SENP6: variants seen among roughly 807,000 people sequenced by gnomAD.
SENP6 encodes SUMO specific peptidase 6.
SENP6 carries 41 observed loss-of-function variants against 134.5 expected under a neutral mutation model. That is an observed-to-expected ratio of 0.30 (90% confidence interval 0.24 to 0.40). The LOEUF is 0.40. Among genes scored for constraint, SENP6 ranks in the 10% least tolerant of loss-of-function variants. The pLI is 1.00. For missense variants in SENP6, 1,248 were observed against 1,312.5 expected (o/e 0.95, Z 0.76); for synonymous variants, 395 against 429.8 (o/e 0.92, Z 1.00).
At chr6:75,604,115 A>G (rs1039768504) in intron 1 of SENP6, among the ~76,000 whole-genome samples, 1 of 152,196 alleles carries the variant, frequency 6.6e-6, no homozygotes, top group African/African-American at 2.4e-5. Flanking sequence ...TCCAGCTTCT[A>G]TAGGCCCGAT....
intron 2 of SENP6, among the ~76,000 whole-genome samples, chr6:75,623,395 G>C (rs1323476966): frequency 6.6e-6 from 1 of 152,062 alleles, no homozygotes; most frequent in East Asian, 1.9e-4. Context: ...TCTCAATGAA[G>C]GGTTGATATT....
chr6:75,703,481 C>T (rs1444521523), intron 19 of SENP6, among the ~76,000 whole-genome samples: 1 of 152,118 alleles, frequency 6.6e-6, no homozygotes, highest in Non-Finnish European at 1.5e-5. Context: ...AGAACCTGAT[C>T]AGGGCACAGT....
At chr6:75,647,676 C>A in intron 6 of SENP6, 55 bp from the exon 7 acceptor site, 1 of 1,275,858 alleles carries the variant, frequency 7.8e-7, no homozygotes, top group South Asian at 1.2e-5. Context: ...TTAACTTTTT[C>A]ATTTTGAAAA....
chr6:75,618,438 A>T (rs1582677752), intron 1 of SENP6, among the ~76,000 whole-genome samples: 1 of 152,216 alleles, frequency 6.6e-6, no homozygotes, highest in Non-Finnish European at 1.5e-5. Flanking sequence ...TTAAAAAAAA[A>T]TAATGATTTT....
At chr6:75,704,602 ATC>A (rs1374419892) in intron 19 of SENP6, among the ~76,000 whole-genome samples, 2 of 152,174 alleles carry the variant, frequency 1.3e-5, no homozygotes, top group African/African-American at 2.4e-5. Context: ...GCCTTCCTCT[ATC>A]TCAACTGCAA....
intron 5 of SENP6, 22 bp from the exon 6 acceptor site, chr6:75,640,662 T>G (rs1423111257): frequency 6.6e-7 from 1 of 1,507,460 alleles, no homozygotes; most frequent in East Asian, 2.3e-5. Context: ...TCTTATATTT[T>G]TTTTCTTTTT....
chr6:75,666,152 C>CATATGATATATATATAAAACGT (rs1772204460), intron 9 of SENP6, among the ~76,000 whole-genome samples: 1 of 140,052 alleles, frequency 7.1e-6, no homozygotes, highest in African/African-American at 2.6e-5. Flanking sequence ...ATATATAAAA[C>CATATGATATATATATAAAACGT]ATATATGATA....
At chr6:75,645,119 A>C (rs1770332212) in intron 6 of SENP6, among the ~76,000 whole-genome samples, 1 of 152,230 alleles carries the variant, frequency 6.6e-6, no homozygotes, top group African/African-American at 2.4e-5. Flanking sequence ...CTGAAGCTAC[A>C]CAAACGCAAA....
chr6:75,653,360 C>T (rs1211252242), intron 7 of SENP6, among the ~76,000 whole-genome samples: 1 of 152,106 alleles, frequency 6.6e-6, no homozygotes, highest in Non-Finnish European at 1.5e-5. Flanking sequence ...TCAAATAGTA[C>T]ATTGTAGTTG....
At chr6:75,652,961 A>C (rs1317475114) in intron 7 of SENP6, among the ~76,000 whole-genome samples, 1 of 151,966 alleles carries the variant, frequency 6.6e-6, no homozygotes, top group Non-Finnish European at 1.5e-5. Context: ...TTTCTTACTT[A>C]TTTAGCAACT....
At chr6:75,699,783 C>G (rs1337905594) in intron 18 of SENP6, among the ~76,000 whole-genome samples, 1 of 152,148 alleles carries the variant, frequency 6.6e-6, no homozygotes, top group East Asian at 1.9e-4. Flanking sequence ...TGCCACTGTA[C>G]CTGGCCCTAA....
rs538168368 is a variant in SENP6, at chr6:75,694,074, T to C, written c.2076-1730T>C. On this transcript the variant is annotated intron_variant, in intron 16 of 23. Transcript: ENST00000447266. ...GAGTTCAAGACCAGCCTGAGCAACA[T>C]GGAGAAACCCCGTCTCTACTAAAAA... Among the ~76,000 whole-genome samples the C allele has an allele frequency of 5.9e-5, 9 of 152,222 alleles. No individual in the cohort carries two copies. The East Asian group carries it at 1.4e-3, about 23-fold the overall frequency.
chr6:75,603,707 C>T (rs1307747940), intron 1 of SENP6, among the ~76,000 whole-genome samples: 1 of 152,040 alleles, frequency 6.6e-6, no homozygotes, highest in Admixed American at 6.6e-5. Context: ...TTAACAGCAC[C>T]TCGAACAGTG....
chr6:75,645,405 C>T (rs185209687), intron 6 of SENP6, among the ~76,000 whole-genome samples: 38 of 152,282 alleles, frequency 2.5e-4, no homozygotes, highest in Admixed American at 2.4e-3. Context: ...CACTTGAGGC[C>T]AGGAGTTCGA....
At chr6:75,692,894 T>C (rs959547072) in intron 16 of SENP6, among the ~76,000 whole-genome samples, 4 of 151,446 alleles carry the variant, frequency 2.6e-5, no homozygotes, top group Non-Finnish European at 5.9e-5. Flanking sequence ...CGAAACCCCA[T>C]GTTTACCCCC....
chr6:75,648,714 A>G (rs1448589482), intron 7 of SENP6, among the ~76,000 whole-genome samples: 2 of 152,218 alleles, frequency 1.3e-5, no homozygotes, highest in African/African-American at 4.8e-5. Flanking sequence ...TACTCTCTTC[A>G]GCATTTATTC....
chr6:75,605,481 C>T (rs1369414037), intron 1 of SENP6, among the ~76,000 whole-genome samples: 1 of 151,998 alleles, frequency 6.6e-6, no homozygotes, highest in African/African-American at 2.4e-5. Flanking sequence ...ATGATAAATA[C>T]GGAAGACATA....
intron 18 of SENP6, among the ~76,000 whole-genome samples, chr6:75,700,086 A>T (rs1188735882): frequency 2.0e-5 from 3 of 151,756 alleles, no homozygotes; most frequent in African/African-American, 4.8e-5. Context: ...ATTTTTTAAA[A>T]TTTTTTTGGA....
intron 3 of SENP6, among the ~76,000 whole-genome samples, chr6:75,629,322 G>A (rs1414713914): frequency 6.6e-6 from 1 of 150,874 alleles, no homozygotes; most frequent in Non-Finnish European, 1.5e-5. Flanking sequence ...TTTTTTTTGA[G>A]ACAGAGTCTC....
Sources: gnomAD v4.1 joint callset for allele counts (sites outside exome capture counted in the v4.1 genomes callset) on GRCh38, gnomAD v4.1.1 for gene constraint, MANE v1.5 for transcripts, NCBI Gene and HGNC (gene_info 2026-07-23, HGNC 2026-07-21) for gene names.